The following RGPD1 variants were observed in gnomAD, a reference collection of about 807,000 sequenced individuals.
RGPD1 encodes the protein RANBP2-like and GRIP domain-containing protein 1.
RGPD1 carries 7 observed loss-of-function variants against 40.6 expected under a neutral mutation model. The ratio of observed to expected loss-of-function variants is 0.17; its 90% CI spans 0.10 to 0.32. The LOEUF (loss-of-function observed/expected upper bound fraction) is 0.32, where lower values mean the gene tolerates loss of function less well. RGPD1 is among the 10% of genes least tolerant of loss of function. The pLI is 1.00. For missense variants in RGPD1, 50 were observed against 472.5 expected, an observed-to-expected ratio of 0.11 and a Z score of 8.29; for synonymous variants, 24 against 167.0, an observed-to-expected ratio of 0.14 and a Z score of 6.60.
intron 1 of RGPD1, among the ~76,000 whole-genome samples, chr2:86,924,732 A>G (rs1288718910): frequency 1.3e-5 from 2 of 151,898 alleles, no homozygotes; most frequent in African/African-American, 4.8e-5. Flanking sequence ...CCTATCTCCC[A>G]AAGTGCTGCG....
At chr2:86,926,073 A>G (rs879528896) in intron 1 of RGPD1, among the ~76,000 whole-genome samples, 7 of 152,288 alleles carry the variant, frequency 4.6e-5, no homozygotes, top group Admixed American at 2.0e-4. Flanking sequence ...GCATAAGCCC[A>G]GAGCCTAGTT....
At chr2:86,923,319 C>T (rs916193113) in intron 1 of RGPD1, among the ~76,000 whole-genome samples, 2 of 151,696 alleles carry the variant, frequency 1.3e-5, no homozygotes, top group Non-Finnish European at 2.9e-5. Flanking sequence ...GGATTACAGG[C>T]ATGAGCCACT....
At chr2:86,925,264 AT>A (rs1479333325) in intron 1 of RGPD1, among the ~76,000 whole-genome samples, 1 of 150,636 alleles carries the variant, frequency 6.6e-6, no homozygotes, top group Non-Finnish European at 1.5e-5. Context: ...TCAGTTTTTT[AT>A]TTTATTTTAT....
Position 86,942,279 on chromosome 2 carries a change from G to C in RGPD1, c.43G>C (p.Val15Leu). The change falls in exon 1 of 23, where the codon GTG becomes CTG. Residue 15 changes from valine to leucine, a missense_variant. By Grantham distance (32) the Val-to-Leu change is conservative. Transcript: ENST00000641458. ...CTACGGGGAGCGGTACGTCGCCTCG[G>C]TGCAGGGCTCCGCCCCGTCGCCTGG... ...KAYGERYVAS[V>L]QGSAPSPGKK... 2 of 1,606,076 alleles carry C rather than the reference G, an allele frequency of 1.2e-6. No individual in the cohort carries two copies. Among genetic ancestry groups the C allele is most frequent in the Non-Finnish European group, 1.7e-6 (2 of 1,177,428 alleles).
At chr2:86,942,959 A>C (rs1680006524) in intron 1 of RGPD1, among the ~76,000 whole-genome samples, 1 of 144,798 alleles carries the variant, frequency 6.9e-6, no homozygotes, top group African/African-American at 2.6e-5. Context: ...GCCCCATAGT[A>C]CCCGCGCGGC....
chr2:86,941,298 C>G (rs1291357338), upstream of RGPD1, among the ~76,000 whole-genome samples: 3 of 148,572 alleles, frequency 2.0e-5, no homozygotes, highest in East Asian at 3.9e-4. Context: ...ATACAGACGG[C>G]TGAAAATCTT....
chr2:86,933,324 GA>G (rs1260528879), intron 1 of RGPD1, among the ~76,000 whole-genome samples: 4 of 149,704 alleles, frequency 2.7e-5, no homozygotes, highest in Admixed American at 1.3e-4. Context: ...AAAAAAGGAA[GA>G]AAAAAACTTC....
chr2:86,938,282 G>C (rs1315672171), upstream of RGPD1, among the ~76,000 whole-genome samples: 2 of 106,142 alleles, frequency 1.9e-5, no homozygotes, highest in African/African-American at 9.7e-5. Context: ...AAACTATAAA[G>C]AGAAAATGGA....
chr2:86,939,415 C>CT (rs1394941589), upstream of RGPD1, among the ~76,000 whole-genome samples: 1 of 150,198 alleles, frequency 6.7e-6, no homozygotes, highest in African/African-American at 2.5e-5. Flanking sequence ...CCCGTCTCTA[C>CT]TAAAAATACA....
exon 1 of RGPD1, chr2:86,913,881 A>G (rs1327268557): frequency 6.3e-7 from 1 of 1,577,836 alleles, no homozygotes; most frequent in Non-Finnish European, 8.6e-7. Flanking sequence ...GGGGAGCGGT[A>G]CCTCGCCTCG....
chr2:86,978,188 G>A (rs1156998479), intron 17 of RGPD1, among the ~76,000 whole-genome samples: 1 of 103,026 alleles, frequency 9.7e-6, no homozygotes, highest in Non-Finnish European at 2.0e-5. Context: ...AGCCTGCCAC[G>A]AAGCCAGGAC....
intron 1 of RGPD1, among the ~76,000 whole-genome samples, chr2:86,928,319 C>A (rs1678652363): frequency 6.6e-6 from 1 of 152,092 alleles, no homozygotes; most frequent in Non-Finnish European, 1.5e-5. Flanking sequence ...TTGAGGAAAA[C>A]ACAAGGGATG....
intron 1 of RGPD1, among the ~76,000 whole-genome samples, chr2:86,924,804 C>T (rs1251408330): frequency 1.3e-5 from 2 of 151,206 alleles, no homozygotes; most frequent in African/African-American, 2.4e-5. Context: ...TTAAAATTCA[C>T]ATCTGTAATT....
At chr2:86,942,074 G>A (rs936350064), upstream of RGPD1, among the ~76,000 whole-genome samples, 39 of 151,372 alleles carry the variant, frequency 2.6e-4, no homozygotes, top group African/African-American at 8.3e-4. Flanking sequence ...CTCGAGCGCC[G>A]ACGTCGCCAA....
rs572946541 is a variant in RGPD1 at position 86,915,015 on chromosome 2, G to C, written c.72+1094G>C. Among the ~76,000 whole-genome samples the C allele has an allele frequency of 3.6e-4, 54 of 149,976 alleles. 3 individuals are homozygous for C. Among genetic ancestry groups the C allele is most frequent in the African/African-American group, 1.3e-3 (54 of 40,960 alleles). ...AGTATAATAATATATGGACATGCCT[G>C]CTGGGCATGGTGGCTCACACCTGTA... On this transcript the variant is annotated intron_variant, in intron 1 of 22. Coordinates refer to the RGPD1 transcript ENST00000398193.
intron 1 of RGPD1, among the ~76,000 whole-genome samples, chr2:86,929,922 C>CA (rs1678796307): frequency 7.2e-6 from 1 of 139,838 alleles, no homozygotes; most frequent in African/African-American, 2.5e-5. Flanking sequence ...TCCACCCTCT[C>CA]AAAACTACTT....
intron 1 of RGPD1, among the ~76,000 whole-genome samples, chr2:86,920,131 G>A (rs529358280): frequency 3.0e-4 from 46 of 151,974 alleles, no homozygotes; most frequent in Admixed American, 2.1e-3. Context: ...ATGCAGTGGC[G>A]TTATCCTGGC....
In RGPD1 at chr2:86,956,733, G is replaced by A. The variant is rs1169299714; in HGVS notation, c.403-973G>A. Among the ~76,000 whole-genome samples the A allele has an allele frequency of 2.2e-5, 2 of 91,924 alleles. 1 individual carries two copies. The highest frequency in any genetic ancestry group is 1.6e-4 in the African/African-American group (2 of 12,828). The allele number at this position is 91,924 out of a possible 152,430, so 60.3% of individuals were successfully genotyped here. On this transcript the variant is annotated intron_variant, in intron 4 of 22. Transcript: ENST00000641458. ...AGCAAACAGTAATTATGGATATAAG[G>A]GATTATAGCATTTTTTGCCTGACAG...
chr2:86,939,475 A>G (rs1679573679), upstream of RGPD1, among the ~76,000 whole-genome samples: 1 of 147,998 alleles, frequency 6.8e-6, no homozygotes, highest in Non-Finnish European at 1.5e-5. Context: ...GCTACTCGGG[A>G]GGCTGAGGCA....
Sources: allele counts gnomAD v4.1 joint callset (sites outside exome capture counted in the v4.1 genomes callset), GRCh38; gene constraint gnomAD v4.1.1; transcripts MANE v1.5; gene names NCBI Gene and HGNC (gene_info 2026-07-23, HGNC 2026-07-21).